The following MAGI1 variants were observed in gnomAD, a reference collection of about 807,000 sequenced individuals.
MAGI1 encodes the protein membrane associated guanylate kinase, WW and PDZ domain containing 1.
MAGI1 carries 58 observed loss-of-function variants against 139.9 expected under a neutral mutation model. The observed-to-expected ratio is 0.41, with a 90% CI of 0.34 to 0.52. The LOEUF is 0.52. MAGI1 is among the 20% of genes least tolerant of loss of function. The pLI, the probability that MAGI1 is intolerant of heterozygous loss-of-function variation, is 0.12. For missense variants in MAGI1, 1,874 were observed against 1,901.6 expected, an observed-to-expected ratio of 0.99 and a Z score of 0.27; for synonymous variants, 812 against 737.9, an observed-to-expected ratio of 1.10 and a Z score of -1.63.
At chr3:65,670,266 G>C (rs1250344100) in intron 1 of MAGI1, among the ~76,000 whole-genome samples, 1 of 151,590 alleles carries the variant, frequency 6.6e-6, no homozygotes, top group Non-Finnish European at 1.5e-5. Context: ...TACTTTCCAG[G>C]AACTTTTTGA....
chr3:65,521,210 C>T (rs2078138656), intron 2 of MAGI1, among the ~76,000 whole-genome samples: 1 of 151,742 alleles, frequency 6.6e-6, no homozygotes, highest in East Asian at 1.9e-4. Flanking sequence ...CCCACTTCCA[C>T]TTTATTACAG....
Position 66,038,328 on chromosome 3 carries a change from C to T in MAGI1, c.-20G>A. The T allele has an allele frequency of 2.0e-6, 3 of 1,522,858 alleles. No individual in the cohort carries two copies. In the South Asian group the frequency reaches 3.9e-5, roughly 20 times the overall value. 94.3% of individuals were successfully genotyped at this position (1,522,858 alleles called of 1,614,324 possible). ...GGACATGATGAGTTACACCCCTCCTCCAAAAAAATAAAACGAGAGACAGGT... is the reference window on the plus strand; with the variant it reads ...GGACATGATGAGTTACACCCCTCCTTCAAAAAAATAAAACGAGAGACAGGT... On this transcript the variant is annotated 5_prime_UTR_variant, in exon 1 of 23. It introduces an in-frame stop codon into an upstream open reading frame of the 5' UTR. Coordinates refer to ENST00000402939, the MANE Select transcript of MAGI1 (RefSeq NM_001033057.2).
chr3:65,454,251 A>G (rs1559567346), intron 5 of MAGI1, among the ~76,000 whole-genome samples: 1 of 152,138 alleles, frequency 6.6e-6, no homozygotes, highest in Non-Finnish European at 1.5e-5. Context: ...ACAAATTGGA[A>G]ATCATCATTC....
At chr3:65,535,061 C>T (rs1390521884) in intron 2 of MAGI1, among the ~76,000 whole-genome samples, 1 of 151,902 alleles carries the variant, frequency 6.6e-6, no homozygotes, top group African/African-American at 2.4e-5. Flanking sequence ...CAGAATCCAA[C>T]ACGGCTGGTA....
intron 22 of MAGI1, chr3:65,359,203 A>G: frequency 6.2e-7 from 1 of 1,602,576 alleles, no homozygotes; most frequent in Non-Finnish European, 8.5e-7. Context: ...AAGGAGAAAG[A>G]GAGAAAGAGA....
chr3:65,913,427 A>G (rs1282512773), intron 1 of MAGI1, among the ~76,000 whole-genome samples: 3 of 152,178 alleles, frequency 2.0e-5, no homozygotes, highest in Non-Finnish European at 2.9e-5. Context: ...GCTTTCAGGT[A>G]ATTTCTACCT....
intron 1 of MAGI1, among the ~76,000 whole-genome samples, chr3:65,630,846 C>A (rs2107150890): frequency 6.6e-6 from 1 of 152,298 alleles, no homozygotes; most frequent in South Asian, 2.1e-4. Flanking sequence ...ACCTGTACCC[C>A]AAACACTACT....
intron 4 of MAGI1, 38 bp from the exon 5 acceptor site, chr3:65,470,522 A>AT: frequency 2.0e-6 from 2 of 1,002,380 alleles, no homozygotes; most frequent in Non-Finnish European, 2.8e-6. Context: ...AGAGAGAGAG[A>AT]GAAAAAAAAA....
chr3:65,977,221 T>A (rs2065308136), intron 1 of MAGI1, among the ~76,000 whole-genome samples: 1 of 152,108 alleles, frequency 6.6e-6, no homozygotes, highest in Non-Finnish European at 1.5e-5. Context: ...CCCACCACCA[T>A]CCCGCAGTGG....
intron 1 of MAGI1, among the ~76,000 whole-genome samples, chr3:65,936,745 G>A (rs1322402888): frequency 6.6e-6 from 1 of 152,074 alleles, no homozygotes; most frequent in African/African-American, 2.4e-5. Context: ...TGTGTGGTGT[G>A]TGTGTAGACA....
At chr3:65,912,995 G>A (rs1257242994) in intron 1 of MAGI1, among the ~76,000 whole-genome samples, 6 of 152,154 alleles carry the variant, frequency 3.9e-5, no homozygotes, top group Admixed American at 6.5e-5. Flanking sequence ...ATAAGGGGCT[G>A]GGCGCAGTGG....
chr3:65,500,726 T>C (rs1303977513), intron 2 of MAGI1, among the ~76,000 whole-genome samples: 1 of 152,208 alleles, frequency 6.6e-6, no homozygotes, highest in Admixed American at 6.5e-5. Context: ...ACTGTCCAAA[T>C]GGTCTTATGG....
At chr3:65,750,745 C>T (rs572441979) in intron 1 of MAGI1, among the ~76,000 whole-genome samples, 1 of 152,194 alleles carries the variant, frequency 6.6e-6, no homozygotes, top group South Asian at 2.1e-4. Flanking sequence ...TTACAAGTTC[C>T]CCGCAAGGTA....
intron 10 of MAGI1, 51 bp from the exon 11 acceptor site, chr3:65,430,932 G>A (rs1395873210): frequency 2.0e-6 from 3 of 1,537,256 alleles, no homozygotes; most frequent in Non-Finnish European, 2.7e-6. Context: ...GTGAAAAGGA[G>A]AATTAAACAA....
At chr3:65,928,093 A>C (rs558330012) in intron 1 of MAGI1, among the ~76,000 whole-genome samples, 2 of 152,030 alleles carry the variant, frequency 1.3e-5, no homozygotes, top group South Asian at 4.2e-4. Context: ...ACATGAATTT[A>C]TTTTCGGCCC....
chr3:66,029,855 C>T (rs987994291), intron 1 of MAGI1, among the ~76,000 whole-genome samples: 46 of 152,300 alleles, frequency 3.0e-4, no homozygotes, highest in African/African-American at 1.0e-3. Context: ...AGACCTATCC[C>T]TAACTCGACA....
intron 2 of MAGI1, among the ~76,000 whole-genome samples, chr3:65,593,487 ATTT>A (rs1431400319): frequency 2.0e-5 from 3 of 152,186 alleles, no homozygotes; most frequent in African/African-American, 7.2e-5. Flanking sequence ...AATCTAAATG[ATTT>A]TTTACTTCCA....
At chr3:65,771,166 G>T (rs1237246780) in intron 1 of MAGI1, among the ~76,000 whole-genome samples, 1 of 151,822 alleles carries the variant, frequency 6.6e-6, no homozygotes, top group Non-Finnish European at 1.5e-5. Flanking sequence ...AATTAGCCAG[G>T]CATGGTGGCA....
chr3:65,580,272 T>C (rs1262843261), intron 2 of MAGI1, among the ~76,000 whole-genome samples: 7 of 152,150 alleles, frequency 4.6e-5, no homozygotes, highest in Admixed American at 2.0e-4. Context: ...GATGAGACTA[T>C]ATAAATAATT....
Sources: gnomAD v4.1 joint callset for allele counts (sites outside exome capture counted in the v4.1 genomes callset) on GRCh38, gnomAD v4.1.1 for gene constraint, MANE v1.5 for transcripts, NCBI Gene and HGNC (gene_info 2026-07-23, HGNC 2026-07-21) for gene names.